Variants in RSPH14 observed in about 807,000 individuals in gnomAD.
RSPH14 encodes rhabdoid tumor deletion region gene 1.
Under a neutral mutation model 26.7 loss-of-function variants are expected in RSPH14, and 20 were observed. That is an observed-to-expected ratio of 0.75 (90% CI 0.53 to 1.09). The LOEUF (loss-of-function observed/expected upper bound fraction) is 1.09, where lower values mean the gene tolerates loss of function less well. Among genes scored for constraint, RSPH14 ranks in the 50% least tolerant of loss-of-function variants. The pLI, the probability that RSPH14 is intolerant of heterozygous loss-of-function variation, is 0.00. For synonymous variants in RSPH14, 177 were observed against 189.3 expected (o/e 0.93, Z 0.53); for missense variants, 449 against 457.2 (o/e 0.98, Z 0.16).
intron 4 of RSPH14, among the ~76,000 whole-genome samples, chr22:23,111,465 C>T (rs528631849): frequency 5.9e-5 from 9 of 152,354 alleles, no homozygotes; most frequent in Non-Finnish European, 8.8e-5. Flanking sequence ...CCTCTGGAAA[C>T]GGAGATGCCA....
At chr22:23,085,434 G>A (rs1489949118) in intron 4 of RSPH14, among the ~76,000 whole-genome samples, 5 of 152,186 alleles carry the variant, frequency 3.3e-5, no homozygotes, top group Admixed American at 6.5e-5. Flanking sequence ...CAGGTTGAGT[G>A]ACTGATCAGT....
chr22:23,098,302 C>T (rs1005894973), intron 4 of RSPH14, among the ~76,000 whole-genome samples: 2 of 152,250 alleles, frequency 1.3e-5, no homozygotes, highest in Non-Finnish European at 2.9e-5. Flanking sequence ...TCCCAAGTGG[C>T]GCCTCCTGGG....
At chr22:23,161,856 C>A in the RSPH14 span, 1 of 420,742 alleles carries the variant, frequency 2.4e-6, no homozygotes. Flanking sequence ...GCAGGGTCAT[C>A]AGACAGTCAC....
At chr22:23,145,824 GA>G, upstream of RSPH14, 1 of 358,150 alleles carries the variant, frequency 2.8e-6, no homozygotes, top group Non-Finnish European at 3.9e-6. Flanking sequence ...AGTCCGGACA[GA>G]AAAAGGAGAC....
intron 4 of RSPH14, among the ~76,000 whole-genome samples, chr22:23,119,949 C>T (rs982475004): frequency 1.3e-5 from 2 of 152,162 alleles, no homozygotes; most frequent in African/African-American, 4.8e-5. Flanking sequence ...ATAGAGGAAA[C>T]CAGGAAGCCT....
At chr22:23,095,739 G>A (rs753636007) in intron 4 of RSPH14, 10 of 1,612,100 alleles carry the variant, frequency 6.2e-6, no homozygotes, top group African/African-American at 1.3e-5. Context: ...GCAGCCCGGC[G>A]GTCCCGGAGA....
the RSPH14 span, among the ~76,000 whole-genome samples, chr22:23,167,124 A>G: frequency 8.6e-5 from 13 of 151,782 alleles, no homozygotes; most frequent in African/African-American, 3.1e-4. Context: ...TCTGCTGCCA[A>G]CCCCACTTGG....
chr22:23,111,713 C>T (rs1461017758), intron 4 of RSPH14, among the ~76,000 whole-genome samples: 1 of 152,246 alleles, frequency 6.6e-6, no homozygotes, highest in African/African-American at 2.4e-5. Context: ...GAACACAAGA[C>T]AGCCAGTACC....
the RSPH14 span, chr22:23,150,065 G>A: frequency 1.2e-6 from 2 of 1,606,610 alleles, no homozygotes; most frequent in East Asian, 4.5e-5. Context: ...CTTTGCAGTG[G>A]TACACGCCGG....
chr22:23,160,308 A>G, the RSPH14 span, among the ~76,000 whole-genome samples: 5 of 152,138 alleles, frequency 3.3e-5, no homozygotes, highest in East Asian at 3.9e-4. Flanking sequence ...ACAGCTCACT[A>G]TGGACCAAGC....
chr22:23,072,142 G>C (rs1303902355), intron 4 of RSPH14, among the ~76,000 whole-genome samples: 3 of 152,178 alleles, frequency 2.0e-5, no homozygotes, highest in Non-Finnish European at 4.4e-5. Flanking sequence ...TTCTCCCTCG[G>C]GCACAGCCAG....
chr22:23,117,998 C>T (rs1375093696), intron 4 of RSPH14, among the ~76,000 whole-genome samples: 1 of 152,188 alleles, frequency 6.6e-6, no homozygotes, highest in Non-Finnish European at 1.5e-5. Context: ...CTGGCAGCCA[C>T]GTTCAGGGGA....
chr22:23,078,158 C>T (rs1029936694), intron 4 of RSPH14, among the ~76,000 whole-genome samples: 1 of 152,228 alleles, frequency 6.6e-6, no homozygotes, highest in Non-Finnish European at 1.5e-5. Flanking sequence ...ATGGTCACCC[C>T]CTCACCCGCT....
chr22:23,153,627 C>T, the RSPH14 span: 2 of 984,288 alleles, frequency 2.0e-6, no homozygotes, highest in Non-Finnish European at 2.4e-6. Flanking sequence ...CTGAGGCACT[C>T]GTCTTCCTCC....
At chr22:23,128,070 G>T (rs2070228466) in intron 4 of RSPH14, among the ~76,000 whole-genome samples, 1 of 152,168 alleles carries the variant, frequency 6.6e-6, no homozygotes. Flanking sequence ...CACAAGGAGA[G>T]GGAGACTGGA....
At position 23,095,409 on chromosome 22, in the gene RSPH14, G is replaced by A. The variant is rs187299749; in HGVS notation, c.422-31276C>T. Reference sequence around the variant, plus strand: ...CACAAGCGGACGGCTTCCCACCGTCGCCGAGGACAGGGAATGACTACGGCA... The same window carrying A: ...CACAAGCGGACGGCTTCCCACCGTCACCGAGGACAGGGAATGACTACGGCA... On this transcript the variant is annotated intron_variant, in intron 4 of 6. Coordinates refer to ENST00000216036, the MANE Select transcript of RSPH14 (RefSeq NM_014433.3). 1.6e-4 allele frequency: 64 copies of A among 405,384 alleles called. 1 individual carries two copies. Among genetic ancestry groups the A allele is most frequent in the Middle Eastern group, 1.3e-3 (2 of 1,564 alleles). The allele number at this position is 405,384 out of a possible 1,614,324, so 25.1% of individuals were successfully genotyped here.
intron 4 of RSPH14, among the ~76,000 whole-genome samples, chr22:23,130,869 C>T (rs1168874942): frequency 1.3e-5 from 2 of 152,238 alleles, no homozygotes; most frequent in African/African-American, 4.8e-5. Flanking sequence ...CTGGGATATG[C>T]CCCGGGCTCT....
Position 23,096,548 on chromosome 22 carries a change from C to T in RSPH14, c.422-32415G>A, listed in dbSNP as rs1174466185. On this transcript the variant is annotated intron_variant, in intron 4 of 6. Transcript: ENST00000216036. ...CAGGCGCAGGCCTGGCCCTGCTGCA[C>T]GATAACTGAGGCAGCTCCAGCAAGG... 1.7e-5 allele frequency: 16 copies of T among 963,698 alleles called. No homozygotes were observed. The Admixed American group carries it at 2.5e-4, about 15-fold the overall frequency. 59.7% of individuals were successfully genotyped at this position (963,698 alleles called of 1,614,324 possible).
At chr22:23,154,536 C>T in the RSPH14 span, among the ~76,000 whole-genome samples, 1 of 152,176 alleles carries the variant, frequency 6.6e-6, no homozygotes, top group African/African-American at 2.4e-5. Flanking sequence ...CTGAGAAGAG[C>T]AAAGGGCCAG....
Sources: gnomAD v4.1 joint callset for allele counts (sites outside exome capture counted in the v4.1 genomes callset) on GRCh38, gnomAD v4.1.1 for gene constraint, MANE v1.5 for transcripts, NCBI Gene and HGNC (gene_info 2026-07-23, HGNC 2026-07-21) for gene names.